The following NAALADL2 variants were observed in gnomAD, a reference collection of about 807,000 sequenced individuals.
NAALADL2 encodes inactive N-acetylated-alpha-linked acidic dipeptidase-like protein 2.
A neutral mutation model predicts 87.2 loss-of-function variants in NAALADL2; 76 were observed. The observed-to-expected ratio is 0.87, with a 90% CI of 0.72 to 1.05. The LOEUF is 1.05. NAALADL2 is among the 50% of genes least tolerant of loss of function. NAALADL2 has a pLI of 0.00. For synonymous variants in NAALADL2, 354 were observed against 331.0 expected (o/e 1.07, Z -0.75); for missense variants, 1,089 against 945.8 (o/e 1.15, Z -1.99).
At chr3:175,478,922 T>TA (rs1382276361) in intron 9 of NAALADL2, among the ~76,000 whole-genome samples, 3 of 151,908 alleles carry the variant, frequency 2.0e-5, no homozygotes, top group Non-Finnish European at 4.4e-5. Flanking sequence ...ATGTTTGGGT[T>TA]AAAAACCTAT....
intron 2 of NAALADL2, among the ~76,000 whole-genome samples, chr3:174,634,726 T>C (rs1179836801): frequency 6.6e-6 from 1 of 152,190 alleles, no homozygotes; most frequent in African/African-American, 2.4e-5. Context: ...TTCTTCACTT[T>C]TTAATTTCTT....
intron 2 of NAALADL2, among the ~76,000 whole-genome samples, chr3:175,189,971 T>C (rs1281318319): frequency 6.6e-6 from 1 of 152,116 alleles, no homozygotes; most frequent in Admixed American, 6.6e-5. Flanking sequence ...ATGCCAAGAA[T>C]GCACAGTGGA....
chr3:174,937,181 G>A (rs1737822299), intron 1 of NAALADL2, among the ~76,000 whole-genome samples: 1 of 152,070 alleles, frequency 6.6e-6, no homozygotes, highest in Non-Finnish European at 1.5e-5. Context: ...CCAGGGATTA[G>A]TAATGAACCT....
intron 2 of NAALADL2, among the ~76,000 whole-genome samples, chr3:174,610,742 G>T (rs1231067562): frequency 1.2e-5 from 1 of 82,512 alleles, no homozygotes; most frequent in Non-Finnish European, 2.1e-5. Flanking sequence ...TTCAACCATT[G>T]TGCAATCAGT....
chr3:175,777,685 T>C (rs1225683887), intron 13 of NAALADL2, among the ~76,000 whole-genome samples: 1 of 152,108 alleles, frequency 6.6e-6, no homozygotes, highest in Non-Finnish European at 1.5e-5. Flanking sequence ...TCAGAATAAA[T>C]CAACAAACTC....
chr3:175,573,191 G>A (rs1041858736), intron 9 of NAALADL2, among the ~76,000 whole-genome samples: 1 of 152,156 alleles, frequency 6.6e-6, no homozygotes, highest in South Asian at 2.1e-4. Flanking sequence ...GCATGGCTGA[G>A]CATGGGTGGA....
At chr3:175,350,570 T>A (rs983475348) in intron 5 of NAALADL2, among the ~76,000 whole-genome samples, 6 of 152,162 alleles carry the variant, frequency 3.9e-5, no homozygotes, top group Non-Finnish European at 8.8e-5. Flanking sequence ...CAGCCATATC[T>A]ACCTTTGTGT....
chr3:175,148,923 A>G (rs1251496946), intron 2 of NAALADL2, among the ~76,000 whole-genome samples: 1 of 152,054 alleles, frequency 6.6e-6, no homozygotes, highest in Admixed American at 6.6e-5. Flanking sequence ...GATTGCTTTG[A>G]CTATTCAGGC....
chr3:174,775,124 C>G (rs751702999), intron 3 of NAALADL2, among the ~76,000 whole-genome samples: 9 of 152,030 alleles, frequency 5.9e-5, no homozygotes, highest in Non-Finnish European at 1.3e-4. Context: ...CATATATATG[C>G]TTTAATGACC....
At chr3:174,660,110 G>A (rs1725371084) in intron 2 of NAALADL2, among the ~76,000 whole-genome samples, 1 of 152,080 alleles carries the variant, frequency 6.6e-6, no homozygotes, top group Non-Finnish European at 1.5e-5. Context: ...TTAATATGTA[G>A]CTACTGTTCT....
At chr3:174,921,287 G>T (rs1735145549) in intron 1 of NAALADL2, among the ~76,000 whole-genome samples, 1 of 152,128 alleles carries the variant, frequency 6.6e-6, no homozygotes. Context: ...ATATTTTGCT[G>T]AAAATATGTG....
At chr3:175,212,110 C>A (rs1339089034) in intron 2 of NAALADL2, among the ~76,000 whole-genome samples, 1 of 151,944 alleles carries the variant, frequency 6.6e-6, no homozygotes, top group Non-Finnish European at 1.5e-5. Flanking sequence ...ATTACTCTCC[C>A]TTGAAAAATA....
intron 1 of NAALADL2, among the ~76,000 whole-genome samples, chr3:174,467,806 A>T (rs1359616951): frequency 6.6e-6 from 1 of 152,114 alleles, no homozygotes; most frequent in Non-Finnish European, 1.5e-5. Flanking sequence ...GTGTATAAAA[A>T]GAAGGGAATA....
chr3:175,718,745 G>A (rs1741762217), intron 11 of NAALADL2: 2 of 1,043,306 alleles, frequency 1.9e-6, no homozygotes, highest in Non-Finnish European at 1.4e-6. Flanking sequence ...GGGCAACATA[G>A]CAAGACTCTG....
At chr3:175,550,587 C>A (rs6794437) in intron 9 of NAALADL2, among the ~76,000 whole-genome samples, 1 of 152,018 alleles carries the variant, frequency 6.6e-6, no homozygotes, top group African/African-American at 2.4e-5. Context: ...TACAGGAAAG[C>A]GGTGATTATA....
At chr3:174,918,942 A>G (rs778226134) in intron 1 of NAALADL2, among the ~76,000 whole-genome samples, 3 of 152,054 alleles carry the variant, frequency 2.0e-5, no homozygotes, top group African/African-American at 7.2e-5. Context: ...TAAAGCAAAT[A>G]TTACAATAAA....
chr3:174,453,139 A>C (rs1041538430), intron 1 of NAALADL2, among the ~76,000 whole-genome samples: 1 of 152,218 alleles, frequency 6.6e-6, no homozygotes, highest in Non-Finnish European at 1.5e-5. Context: ...TTGTAATGCA[A>C]TCACAAGTAT....
At position 175,089,295 on chromosome 3, in the gene NAALADL2, A is replaced by G. The variant is rs567637014; in HGVS notation, c.44-7495A>G. Among the ~76,000 whole-genome samples the G allele has an allele frequency of 5.6e-4, 86 of 152,298 alleles. 1 individual carries two copies. Among genetic ancestry groups the G allele is most frequent in the Non-Finnish European group, 1.0e-3 (69 of 68,026 alleles). On this transcript the variant is annotated intron_variant, in intron 1 of 13. Transcript: ENST00000454872. The stretch of plus-strand genomic sequence containing the variant: ...TGGTGCTTAGTGTCACTTTGGTACC[A>G]TAACCAGGGATTAATAAGCCAATAA...
chr3:175,658,485 G>A (rs1252190080), intron 11 of NAALADL2, among the ~76,000 whole-genome samples: 1 of 152,062 alleles, frequency 6.6e-6, no homozygotes, highest in Admixed American at 6.6e-5. Context: ...AGAGATTGAG[G>A]TTAGCTAGTA....
Sources: allele counts gnomAD v4.1 joint callset (sites outside exome capture counted in the v4.1 genomes callset), GRCh38; gene constraint gnomAD v4.1.1; transcripts MANE v1.5; gene names NCBI Gene and HGNC (gene_info 2026-07-23, HGNC 2026-07-21).